Variants in MLLT10 observed in about 807,000 individuals in gnomAD.
MLLT10 encodes the protein MLLT10 histone lysine methyltransferase DOT1L cofactor.
Under a neutral mutation model 129.1 loss-of-function variants are expected in MLLT10, and 30 were observed. The ratio of observed to expected loss-of-function variants is 0.23; its 90% CI spans 0.17 to 0.32. MLLT10 has a LOEUF of 0.32. Ranked by LOEUF, MLLT10 falls within the 10% of genes least tolerant of loss-of-function variation. The probability of loss-of-function intolerance (pLI) is 1.00; values close to 1 mark genes in which losing one functional copy is unlikely to be tolerated. For synonymous variants in MLLT10, 490 were observed against 446.4 expected, an observed-to-expected ratio of 1.10 and a Z score of -1.23; for missense variants, 1,119 against 1,268.3, an observed-to-expected ratio of 0.88 and a Z score of 1.79.
intron 16 of MLLT10, among the ~76,000 whole-genome samples, chr10:21,729,662 C>G (rs1165829843): frequency 6.6e-6 from 1 of 152,180 alleles, no homozygotes; most frequent in African/African-American, 2.4e-5. Flanking sequence ...TGTCTTTGGA[C>G]AAGTCACTAA....
rs1177017218 is a variant in MLLT10 at position 21,562,006 on chromosome 10, A to G, written c.240+23094A>G. On this transcript the variant is annotated intron_variant, in intron 3 of 22. Transcript: ENST00000307729. The stretch of plus-strand genomic sequence containing the variant: ...TTTTTAGTAGAGACGGGGTTTCTCC[A>G]TGTTGGTCAGACTGGTCTCAAACTC... Among the ~76,000 whole-genome samples, 5 of 151,888 alleles carry G rather than the reference A, an allele frequency of 3.3e-5. No homozygotes were observed. In the East Asian group the frequency reaches 5.8e-4, roughly 18 times the overall value.
At chr10:21,619,025 GACATACACAC>G (rs1405555282) in intron 8 of MLLT10, among the ~76,000 whole-genome samples, 11 of 100,558 alleles carry the variant, frequency 1.1e-4, no homozygotes, top group Admixed American at 5.6e-4. Context: ...CGTGCCTGGT[GACATACACAC>G]ACACACACAC....
Position 21,734,138 on chromosome 10 carries a change from CTT to C in MLLT10, c.2858+10_2858+11del. On this transcript the variant is annotated intron_variant, in intron 20 of 22. Coordinates refer to ENST00000307729, the MANE Select transcript of MLLT10 (RefSeq NM_001195626.3). ...GCTACACTGACTAACAGGTAAGAAA[CTT>C]AAGTATGTTTTGGGTTTTTTAGTAT... The C allele has an allele frequency of 1.3e-6, 2 of 1,583,046 alleles. No homozygotes were observed. The highest frequency in any genetic ancestry group is 1.7e-6 in the Non-Finnish European group (2 of 1,163,414).
intron 11 of MLLT10, 37 bp from the exon 12 acceptor site, chr10:21,681,295 T>C: frequency 6.2e-7 from 1 of 1,611,398 alleles, no homozygotes; most frequent in Admixed American, 1.7e-5. Context: ...TCACTGGCAA[T>C]TTCTTCACTG....
intron 9 of MLLT10, among the ~76,000 whole-genome samples, chr10:21,654,138 T>G (rs2049322939): frequency 6.6e-6 from 1 of 152,238 alleles, no homozygotes; most frequent in Non-Finnish European, 1.5e-5. Context: ...TGAACAGTTT[T>G]AAAGTACTGA....
At chr10:21,664,580 C>T (rs1257801181) in intron 9 of MLLT10, among the ~76,000 whole-genome samples, 11 of 152,022 alleles carry the variant, frequency 7.2e-5, no homozygotes, top group South Asian at 2.1e-4. Flanking sequence ...CAGGCGTGCC[C>T]GGCTCTATGT....
chr10:21,719,538 G>A (rs528400695), intron 14 of MLLT10, among the ~76,000 whole-genome samples: 1 of 152,120 alleles, frequency 6.6e-6, no homozygotes, highest in South Asian at 2.1e-4. Context: ...ATGCTAAGAG[G>A]TATCTCCTTG....
At chr10:21,733,474 TAGG>T in intron 18 of MLLT10, 27 bp from the exon 19 acceptor site, 1 of 1,338,426 alleles carries the variant, frequency 7.5e-7, no homozygotes, top group Non-Finnish European at 1.0e-6. Flanking sequence ...ATAGGGTAAA[TAGG>T]TTTCTTTTTG....
intron 9 of MLLT10, among the ~76,000 whole-genome samples, chr10:21,652,709 T>A (rs1461533598): frequency 2.0e-5 from 3 of 152,198 alleles, no homozygotes; most frequent in Non-Finnish European, 4.4e-5. Context: ...TGGAGGTTTC[T>A]GAATTGAGAT....
intron 14 of MLLT10, among the ~76,000 whole-genome samples, chr10:21,718,196 A>C (rs1205575571): frequency 6.6e-6 from 1 of 151,786 alleles, no homozygotes; most frequent in Non-Finnish European, 1.5e-5. Context: ...CCCTTTCAAC[A>C]GACTAGTTTT....
rs542848069 is a variant in MLLT10, at chr10:21,658,703, C to T, written c.795+6935C>T. 5.3e-5 allele frequency among the ~76,000 whole-genome samples: 8 copies of T among 152,218 alleles called. No homozygotes were observed. In the East Asian group the frequency reaches 7.7e-4, roughly 15 times the overall value. On this transcript the variant is annotated intron_variant, in intron 9 of 22. Coordinates refer to ENST00000307729, the MANE Select transcript of MLLT10 (RefSeq NM_001195626.3). The stretch of plus-strand genomic sequence containing the variant: ...TATGTGTGACGGAGTCTCGCTCTGT[C>T]GCCCAGGCTGGAGTGCAGTGGTGCA...
chr10:21,539,123 T>C (rs1437598559), intron 3 of MLLT10, among the ~76,000 whole-genome samples: 1 of 152,212 alleles, frequency 6.6e-6, no homozygotes, highest in Non-Finnish European at 1.5e-5. Flanking sequence ...TTGGATACTT[T>C]GAAAACAAAA....
chr10:21,725,060 AAAAAC>A (rs1292318785), intron 14 of MLLT10, among the ~76,000 whole-genome samples: 2 of 152,232 alleles, frequency 1.3e-5, no homozygotes, highest in African/African-American at 2.4e-5. Context: ...CTTTTAAAAT[AAAAAC>A]AAAACAAAAC....
chr10:21,687,194 T>C (rs1293942921), intron 13 of MLLT10, among the ~76,000 whole-genome samples: 1 of 152,172 alleles, frequency 6.6e-6, no homozygotes, highest in Non-Finnish European at 1.5e-5. Flanking sequence ...TGCTGTAGGA[T>C]GAGTATACGT....
At chr10:21,652,347 C>A (rs569350794) in intron 9 of MLLT10, among the ~76,000 whole-genome samples, 1 of 152,280 alleles carries the variant, frequency 6.6e-6, no homozygotes, top group Non-Finnish European at 1.5e-5. Flanking sequence ...CTTCATTCAT[C>A]TGAGATTTTG....
upstream of MLLT10, among the ~76,000 whole-genome samples, chr10:21,533,910 C>T (rs1449390165): frequency 6.6e-6 from 1 of 152,180 alleles, no homozygotes; most frequent in Non-Finnish European, 1.5e-5. Context: ...AAAACCCCTT[C>T]CCAGCCCTGG....
At chr10:21,588,881 T>C (rs2042243255) in intron 4 of MLLT10, among the ~76,000 whole-genome samples, 1 of 151,318 alleles carries the variant, frequency 6.6e-6, no homozygotes, top group Non-Finnish European at 1.5e-5. Flanking sequence ...TGGAGTGCAG[T>C]GGCTTGATCT....
At chr10:21,637,794 C>T (rs996142067) in intron 8 of MLLT10, among the ~76,000 whole-genome samples, 6 of 152,178 alleles carry the variant, frequency 3.9e-5, no homozygotes, top group Admixed American at 3.9e-4. Flanking sequence ...AACAACCTAC[C>T]AAGTACCATC....
chr10:21,562,480 G>C (rs2038947468), intron 3 of MLLT10, among the ~76,000 whole-genome samples: 1 of 151,916 alleles, frequency 6.6e-6, no homozygotes, highest in South Asian at 2.1e-4. Flanking sequence ...TGAGATTACA[G>C]GTGCCCGCCA....
Sources: allele counts gnomAD v4.1 joint callset (sites outside exome capture counted in the v4.1 genomes callset), GRCh38; gene constraint gnomAD v4.1.1; transcripts MANE v1.5; gene names NCBI Gene and HGNC (gene_info 2026-07-23, HGNC 2026-07-21).